Variants in CHSY3 observed in about 807,000 individuals in gnomAD.
CHSY3 encodes the protein N-acetylgalactosaminyl-proteoglycan 3-beta-glucuronosyltransferase 3.
Under a neutral mutation model 67.2 loss-of-function variants are expected in CHSY3, and 35 were observed. The observed-to-expected ratio is 0.52, with a 90% CI of 0.40 to 0.69. The LOEUF (loss-of-function observed/expected upper bound fraction) is 0.69, where lower values mean the gene tolerates loss of function less well. Among genes scored for constraint, CHSY3 ranks in the 30% least tolerant of loss-of-function variants. The probability of loss-of-function intolerance (pLI) is 0.00; values close to 1 mark genes in which losing one functional copy is unlikely to be tolerated. For synonymous variants in CHSY3, 474 were observed against 434.7 expected, an observed-to-expected ratio of 1.09 and a Z score of -1.12; for missense variants, 1,069 against 1,138.5, an observed-to-expected ratio of 0.94 and a Z score of 0.88.
At chr5:129,919,888 G>A (rs1760861653) in intron 2 of CHSY3, among the ~76,000 whole-genome samples, 1 of 152,098 alleles carries the variant, frequency 6.6e-6, no homozygotes, top group Admixed American at 6.6e-5. Context: ...TTTATACAGT[G>A]TGGAGTGATT....
At chr5:130,093,474 A>G (rs1216181948) in intron 2 of CHSY3, among the ~76,000 whole-genome samples, 7 of 152,226 alleles carry the variant, frequency 4.6e-5, no homozygotes, top group Non-Finnish European at 8.8e-5. Context: ...TCCCTATCAC[A>G]TAAGAAAATA....
chr5:130,180,347 A>G (rs1770206717), intron 2 of CHSY3, among the ~76,000 whole-genome samples: 1 of 152,186 alleles, frequency 6.6e-6, no homozygotes, highest in Non-Finnish European at 1.5e-5. Flanking sequence ...TTTTCTAAAT[A>G]GCCTCATCAG....
At chr5:129,905,807 T>G in intron 1 of CHSY3, 176 bp downstream of exon 1, 1 of 1,312,404 alleles carries the variant, frequency 7.6e-7, no homozygotes, top group Non-Finnish European at 1.0e-6. Flanking sequence ...TCGTAGCCCG[T>G]TCCTCGTCTT....
At chr5:130,171,047 A>G (rs1257052510) in intron 2 of CHSY3, among the ~76,000 whole-genome samples, 1 of 152,182 alleles carries the variant, frequency 6.6e-6, no homozygotes, top group African/African-American at 2.4e-5. Context: ...CAAAATGGCA[A>G]CTTGCAAACG....
intron 2 of CHSY3, among the ~76,000 whole-genome samples, chr5:129,912,944 G>T (rs1760616753): frequency 6.6e-6 from 1 of 152,156 alleles, no homozygotes; most frequent in South Asian, 2.1e-4. Context: ...TATAAGCAAA[G>T]ATTACTAACT....
Position 129,905,319 on chromosome 5 carries a change from G to T in CHSY3, c.490G>T (p.Ala164Ser). Reference protein sequence around the residue: ...HNGSGDGGAAAPSARPRDFLY... With the variant: ...HNGSGDGGAASPSARPRDFLY... ...CGGCAGCGGGGACGGGGGCGCTGCCGCCCCGAGCGCCCGACCCCGGGACTT... is the reference window on the plus strand; with the variant it reads ...CGGCAGCGGGGACGGGGGCGCTGCCTCCCCGAGCGCCCGACCCCGGGACTT... The change falls in exon 1 of 3, where the codon GCC (alanine) becomes TCC (serine). Residue 164 changes from alanine (A) to serine (S), a missense_variant. Physicochemically the swap from Ala to Ser is moderately conservative, Grantham distance 99. Around this residue, in one of 5 missense-constraint regions of CHSY3, gnomAD observed 309 missense variants for 262.5 expected, o/e 1.18. Transcript: ENST00000305031. The T allele has an allele frequency of 6.6e-7, 1 of 1,520,466 alleles. No homozygotes were observed. The highest frequency in any genetic ancestry group is 1.2e-5 in the South Asian group (1 of 81,760). The allele number at this position is 1,520,466 out of a possible 1,614,324, so 94.2% of individuals were successfully genotyped here. A position where few individuals can be genotyped will look rare whatever the true frequency, so the allele number is the denominator to read the frequency against.
chr5:129,923,719 A>C (rs1761000725), intron 2 of CHSY3, among the ~76,000 whole-genome samples: 1 of 152,210 alleles, frequency 6.6e-6, no homozygotes, highest in Non-Finnish European at 1.5e-5. Flanking sequence ...GCAGAAGGCA[A>C]GGGAAACTAG....
chr5:130,171,659 T>G (rs1769896493), intron 2 of CHSY3, among the ~76,000 whole-genome samples: 2 of 152,186 alleles, frequency 1.3e-5, no homozygotes, highest in South Asian at 4.1e-4. Context: ...ATTTTCTGTG[T>G]TGTCTGACAG....
At chr5:129,956,891 G>A (rs1762193186) in intron 2 of CHSY3, among the ~76,000 whole-genome samples, 1 of 152,036 alleles carries the variant, frequency 6.6e-6, no homozygotes, top group Non-Finnish European at 1.5e-5. Flanking sequence ...TTGAAGACAG[G>A]TAGTGTGATG....
intron 2 of CHSY3, among the ~76,000 whole-genome samples, chr5:129,967,152 T>C (rs964729141): frequency 2.0e-5 from 3 of 151,802 alleles, no homozygotes; most frequent in Non-Finnish European, 4.4e-5. Flanking sequence ...ATCATGTACC[T>C]ATCTCATAGA....
intron 2 of CHSY3, among the ~76,000 whole-genome samples, chr5:130,060,178 C>T (rs1580694801): frequency 6.6e-6 from 1 of 152,198 alleles, no homozygotes; most frequent in East Asian, 1.9e-4. Context: ...AAAATACTAC[C>T]AAACTGAATC....
At chr5:130,131,205 T>G (rs1265355047) in intron 2 of CHSY3, among the ~76,000 whole-genome samples, 1 of 152,216 alleles carries the variant, frequency 6.6e-6, no homozygotes. Context: ...TCAAGTTGGA[T>G]ACTACAGTGT....
chr5:130,157,232 C>T (rs1245819158), intron 2 of CHSY3, among the ~76,000 whole-genome samples: 3 of 152,186 alleles, frequency 2.0e-5, no homozygotes, highest in African/African-American at 4.8e-5. Context: ...GAATAATGAT[C>T]TACTGTATTT....
chr5:130,143,405 T>C (rs931871473), intron 2 of CHSY3, among the ~76,000 whole-genome samples: 20 of 152,224 alleles, frequency 1.3e-4, no homozygotes, highest in South Asian at 2.1e-4. Context: ...AATTAATCTA[T>C]GCTATTTGAA....
intron 2 of CHSY3, among the ~76,000 whole-genome samples, chr5:129,963,343 G>A (rs1051370436): frequency 2.0e-5 from 3 of 151,906 alleles, no homozygotes; most frequent in Non-Finnish European, 4.4e-5. Context: ...ATTTCTTTTT[G>A]TATAAATGAA....
At chr5:130,164,520 A>G (rs922322217) in intron 2 of CHSY3, among the ~76,000 whole-genome samples, 4 of 152,158 alleles carry the variant, frequency 2.6e-5, no homozygotes, top group Non-Finnish European at 5.9e-5. Context: ...CCCTCTTTCA[A>G]TATATCACTG....
intron 2 of CHSY3, among the ~76,000 whole-genome samples, chr5:130,147,529 C>A (rs986457431): frequency 6.6e-6 from 1 of 152,118 alleles, no homozygotes; most frequent in Non-Finnish European, 1.5e-5. Context: ...TAACATCAAG[C>A]ATTTTAACAG....
chr5:129,989,962 C>T (rs1763312207), intron 2 of CHSY3, among the ~76,000 whole-genome samples: 1 of 152,050 alleles, frequency 6.6e-6, no homozygotes, highest in Admixed American at 6.6e-5. Flanking sequence ...GGCTCTGTTC[C>T]AGTAAAACTT....
At chr5:130,123,939 G>T (rs1025230634) in intron 2 of CHSY3, among the ~76,000 whole-genome samples, 1 of 147,022 alleles carries the variant, frequency 6.8e-6, no homozygotes, top group East Asian at 2.1e-4. Context: ...GGGGCCTGTA[G>T]TCCCAGCTAC....
Sources: allele counts gnomAD v4.1 joint callset (sites outside exome capture counted in the v4.1 genomes callset), GRCh38; gene constraint gnomAD v4.1.1; regional missense constraint gnomAD v4.1.1; transcripts MANE v1.5; gene names NCBI Gene and HGNC (gene_info 2026-07-23, HGNC 2026-07-21).